The following FILIP1 variants were observed in gnomAD, a reference collection of about 807,000 sequenced individuals.
The protein encoded by FILIP1 is filamin-A-interacting protein 1.
A neutral mutation model predicts 102.1 loss-of-function variants in FILIP1; 61 were observed. The observed-to-expected ratio is 0.60, with a 90% CI of 0.49 to 0.74. The LOEUF (loss-of-function observed/expected upper bound fraction) is 0.74, where lower values mean the gene tolerates loss of function less well. FILIP1 is among the 30% of genes least tolerant of loss of function. The pLI, the probability that FILIP1 is intolerant of heterozygous loss-of-function variation, is 0.00. For missense variants in FILIP1, 1,314 were observed against 1,441.2 expected (o/e 0.91, Z 1.43); for synonymous variants, 491 against 526.9 (o/e 0.93, Z 0.93).
chr6:75,326,112 G>GAA (rs1562461913), intron 4 of FILIP1, among the ~76,000 whole-genome samples: 1 of 95,954 alleles, frequency 1.0e-5, no homozygotes, highest in Non-Finnish European at 2.4e-5. Context: ...GATAGATAGA[G>GAA]AGATAGATAG....
intron 2 of FILIP1, among the ~76,000 whole-genome samples, chr6:75,376,011 A>T (rs536645818): frequency 6.6e-6 from 1 of 152,248 alleles, no homozygotes; most frequent in African/African-American, 2.4e-5. Flanking sequence ...GGGCACAGGT[A>T]CATCCTCAAA....
intron 4 of FILIP1, among the ~76,000 whole-genome samples, chr6:75,325,370 C>T (rs774732676): frequency 6.6e-6 from 1 of 152,086 alleles, no homozygotes; most frequent in South Asian, 2.1e-4. Context: ...TGCAGTAAGC[C>T]GAGATTGCGC....
At chr6:75,418,679 C>T (rs933601132) in intron 1 of FILIP1, among the ~76,000 whole-genome samples, 5 of 152,042 alleles carry the variant, frequency 3.3e-5, no homozygotes, top group African/African-American at 1.2e-4. Flanking sequence ...GCCAAGAATG[C>T]CTTCAAATCA....
chr6:75,441,584 G>C (rs1239816439), intron 1 of FILIP1, among the ~76,000 whole-genome samples: 1 of 150,772 alleles, frequency 6.6e-6, no homozygotes, highest in Non-Finnish European at 1.5e-5. Context: ...TCTCCTCCCG[G>C]ACGGGGCGGC....
At position 75,473,903 on chromosome 6, in the gene FILIP1, T is replaced by TA. The variant is rs369622171; in HGVS notation, c.-7+19510dup. On this transcript the variant is annotated intron_variant, in intron 1 of 5. Coordinates refer to ENST00000237172, the MANE Select transcript of FILIP1 (RefSeq NM_015687.5). ...GTTTTCAAATTTTTTAGGACGAAGGTAAGGGTATAAACATACACACATACA... is the reference window on the plus strand; with the variant it reads ...GTTTTCAAATTTTTTAGGACGAAGGTAAAGGGTATAAACATACACACATACA... 638 of 152,240 alleles carry TA rather than the reference T, an allele frequency of 4.2e-3. 8 individuals carry two copies. Among genetic ancestry groups the TA allele is most frequent in the African/African-American group, 0.015 (608 of 41,534 alleles). 9.4% of individuals were successfully genotyped at this position (152,240 alleles called of 1,614,324 possible). A position where few individuals can be genotyped will look rare whatever the true frequency, so the allele number is the denominator to read the frequency against.
chr6:75,317,744 C>T (rs1773491904), intron 4 of FILIP1, among the ~76,000 whole-genome samples: 1 of 152,110 alleles, frequency 6.6e-6, no homozygotes, highest in Non-Finnish European at 1.5e-5. Flanking sequence ...TCTCTTTCAC[C>T]ACATCTTAAA....
intron 2 of FILIP1, among the ~76,000 whole-genome samples, chr6:75,413,975 C>T (rs183096775): frequency 2.0e-5 from 3 of 150,540 alleles, no homozygotes; most frequent in East Asian, 1.9e-4. Flanking sequence ...GAGCATAGGA[C>T]GAAGAATCAG....
intron 2 of FILIP1, among the ~76,000 whole-genome samples, chr6:75,368,834 G>A (rs1476560286): frequency 6.6e-6 from 1 of 152,204 alleles, no homozygotes; most frequent in African/African-American, 2.4e-5. Context: ...AAGAGACTTT[G>A]GAGTTTTTGA....
intron 1 of FILIP1, chr6:75,465,414 T>C (rs1779134014): frequency 3.2e-6 from 2 of 623,914 alleles, no homozygotes; most frequent in Non-Finnish European, 5.5e-6. Context: ...CTAGCTCCAA[T>C]GAAGTGGTGG....
At chr6:75,483,786 G>C (rs796655609) in intron 1 of FILIP1, among the ~76,000 whole-genome samples, 6 of 152,162 alleles carry the variant, frequency 3.9e-5, no homozygotes, top group African/African-American at 1.4e-4. Context: ...TTTCAGAGTG[G>C]GCTCCAGAAT....
intron 1 of FILIP1, among the ~76,000 whole-genome samples, chr6:75,474,918 A>T (rs1401955423): frequency 6.6e-6 from 1 of 150,692 alleles, no homozygotes; most frequent in Non-Finnish European, 1.5e-5. Flanking sequence ...GGCACCCCCC[A>T]CCCCCTTCTC....
At chr6:75,349,744 C>A (rs1487115712) in intron 4 of FILIP1, among the ~76,000 whole-genome samples, 1 of 152,168 alleles carries the variant, frequency 6.6e-6, no homozygotes, top group Non-Finnish European at 1.5e-5. Flanking sequence ...CGGGAGCCTC[C>A]TGGAGAGGCT....
chr6:75,404,142 TG>T (rs1776754095), intron 2 of FILIP1, among the ~76,000 whole-genome samples: 1 of 151,912 alleles, frequency 6.6e-6, no homozygotes, highest in South Asian at 2.1e-4. Flanking sequence ...GAGGCTGAGG[TG>T]GGGGGATCAC....
rs777822873 is a variant in FILIP1 at position 75,362,702 on chromosome 6, T to C, written c.450+42A>G. The C allele has an allele frequency of 3.1e-6, 5 of 1,590,346 alleles. No individual in the cohort carries two copies. The African/African-American group carries it at 4.0e-5, about 13-fold the overall frequency. ...ATGGAAGAATGTGAAGATATCTCCC[T>C]GAGGTTCCCATCCAGGGGACTTGTT... On this transcript the variant is annotated intron_variant, in intron 3 of 5. Coordinates refer to ENST00000237172, the MANE Select transcript of FILIP1 (RefSeq NM_015687.5).
chr6:75,303,980 G>A (rs1327041194), downstream of FILIP1, among the ~76,000 whole-genome samples: 1 of 152,114 alleles, frequency 6.6e-6, no homozygotes, highest in Non-Finnish European at 1.5e-5. Flanking sequence ...AACTAGGAAG[G>A]CCTCCAGGGA....
chr6:75,298,701 G>A (rs993946290), intron 6 of FILIP1, among the ~76,000 whole-genome samples: 2 of 152,166 alleles, frequency 1.3e-5, no homozygotes, highest in African/African-American at 4.8e-5. Flanking sequence ...TGGATCACTT[G>A]AGGTCAGGAG....
At chr6:75,447,107 T>C (rs1778464928) in intron 1 of FILIP1, among the ~76,000 whole-genome samples, 1 of 152,108 alleles carries the variant, frequency 6.6e-6, no homozygotes, top group Admixed American at 6.6e-5. Context: ...GATTAAGGCA[T>C]AAGGATGGTA....
intron 2 of FILIP1, among the ~76,000 whole-genome samples, chr6:75,373,386 C>T (rs1775639189): frequency 6.6e-6 from 1 of 152,220 alleles, no homozygotes; most frequent in South Asian, 2.1e-4. Flanking sequence ...GGTGAATATA[C>T]TTAATGCCAC....
At chr6:75,397,508 AT>A (rs1265986588) in intron 2 of FILIP1, among the ~76,000 whole-genome samples, 3 of 150,530 alleles carry the variant, frequency 2.0e-5, no homozygotes, top group Non-Finnish European at 4.4e-5. Flanking sequence ...ATATATACAG[AT>A]TTTTTTACAT....
Sources: gnomAD v4.1 joint callset for allele counts (sites outside exome capture counted in the v4.1 genomes callset) on GRCh38, gnomAD v4.1.1 for gene constraint, MANE v1.5 for transcripts, NCBI Gene and HGNC (gene_info 2026-07-23, HGNC 2026-07-21) for gene names.